The following GPX3 variants were observed in gnomAD, a reference collection of about 807,000 sequenced individuals.
The protein encoded by GPX3 is GPx-3.
Under a neutral mutation model 25.1 loss-of-function variants are expected in GPX3, and 22 were observed. The observed-to-expected ratio is 0.88, with a 90% CI of 0.63 to 1.25. The LOEUF is 1.25. Ranked by LOEUF, GPX3 falls within the 50% of genes most tolerant of loss-of-function variation. GPX3 has a pLI of 0.00. For synonymous variants in GPX3, 110 were observed against 114.5 expected (o/e 0.96, Z 0.25); for missense variants, 278 against 286.6 (o/e 0.97, Z 0.22).
At chr5:151,027,579 C>G in intron 4 of GPX3, 48 bp downstream of exon 4, 1 of 1,243,598 alleles carries the variant, frequency 8.0e-7, no homozygotes, top group South Asian at 1.2e-5. Flanking sequence ...CCCCTCCTGG[C>G]TCCAGCCCAC....
intron 1 of GPX3, 52 bp from the exon 2 acceptor site, chr5:151,025,288 T>C (rs1756530661): frequency 7.0e-7 from 1 of 1,423,382 alleles, no homozygotes; most frequent in East Asian, 2.5e-5. Context: ...AAAACGGAGA[T>C]GTCCAAGTTC....
intron 4 of GPX3, 72 bp downstream of exon 4, chr5:151,027,603 A>C: frequency 1.0e-6 from 1 of 962,158 alleles, no homozygotes; most frequent in South Asian, 1.4e-5. Flanking sequence ...GTCAGGGCCC[A>C]TGCCACCTCC....
rs1277027588 is a variant in GPX3 at position 151,028,027 on chromosome 5, T to C, written c.578T>C (p.Ile193Thr). 3.1e-6 allele frequency: 5 copies of C among 1,614,142 alleles called. No individual in the cohort carries two copies. Among genetic ancestry groups the C allele is most frequent in the South Asian group, 1.1e-5 (1 of 91,080 alleles). ...AAGTTCCTGGTGGGGCCAGATGGTA[T>C]ACCCATCATGCGCTGGCACCACCGG... ...FEKFLVGPDG[I>T]PIMRWHHRTT... Residue 193 changes from isoleucine (I) to threonine (T), a missense_variant, in exon 5 of 5, where the codon ATA (isoleucine) becomes ACA (threonine). Ile to Thr is a moderately conservative substitution (Grantham distance 89). Transcript: ENST00000388825.
chr5:151,028,191 C>G lies in GPX3; in HGVS notation c.*61C>G. On this transcript the variant is annotated 3_prime_UTR_variant, in exon 5 of 5. Transcript: ENST00000388825. ...GGAGGGACTTTGTTCAGGAAGAAAT[C>G]CGTGTCTCCAACCACACTATCTACC... 1 of 1,440,626 alleles carries G rather than the reference C, an allele frequency of 6.9e-7. No homozygotes were observed. Among genetic ancestry groups the G allele is most frequent in the Non-Finnish European group, 9.6e-7 (1 of 1,046,978 alleles). The allele number at this position is 1,440,626 out of a possible 1,614,324, so 89.2% of individuals were successfully genotyped here. A position where few individuals can be genotyped will look rare whatever the true frequency, so the allele number is the denominator to read the frequency against.
At chr5:151,022,641 G>A (rs1350518955) in intron 1 of GPX3, among the ~76,000 whole-genome samples, 1 of 152,200 alleles carries the variant, frequency 6.6e-6, no homozygotes, top group Non-Finnish European at 1.5e-5. Flanking sequence ...TTGAAAGGGA[G>A]ATGCTAGGGA....
chr5:151,026,984 C>G lies in GPX3; in HGVS notation c.326C>G (p.Pro109Arg), dbSNP rs1259746362. The change falls in exon 3 of 5, where the codon CCA becomes CGA. Residue 109 changes from proline to arginine, a missense_variant. Pro to Arg is a moderately radical substitution (Grantham distance 103). Coordinates refer to ENST00000388825, the MANE Select transcript of GPX3 (RefSeq NM_002084.5). ...FPCNQFGKQEPGENSEILPTL... is the reference protein window; with the variant it reads ...FPCNQFGKQERGENSEILPTL... The stretch of plus-strand genomic sequence containing the variant: ...TGCAACCAATTTGGAAAACAGGAAC[C>G]AGGAGAGAACTCAGAGATCCTTCCT... 2 of 1,613,914 alleles carry G rather than the reference C, an allele frequency of 1.2e-6. No homozygotes were observed. The highest frequency in any genetic ancestry group is 1.7e-5 in the Admixed American group (1 of 60,020).
In GPX3 at chr5:151,027,492, C is replaced by T. The variant is rs777786115; in HGVS notation, c.420C>T (p.Val140=). 2 of 1,613,442 alleles carry T rather than the reference C, an allele frequency of 1.2e-6. No homozygotes were observed. Among genetic ancestry groups the T allele is most frequent in the Non-Finnish European group, 1.7e-6 (2 of 1,179,322 alleles). ...PNFQLFEKGD[V]NGEKEQKFYT... is the part of the protein sequence containing the mutation. ...TCCAGCTCTTTGAGAAAGGGGATGT[C>T]AATGGAGAGAAAGAGCAGAAATTCT... The change falls in exon 4 of 5, where the codon GTC becomes GTT. Residue 140 remains valine, a synonymous_variant. Transcript: ENST00000388825.
rs1433960192 is a variant in GPX3, at chr5:151,028,072, A to G, written c.623A>G (p.Lys208Arg). Residue 208 changes from lysine to arginine, a missense_variant, in exon 5 of 5, where the codon AAG becomes AGG. Lys to Arg is a conservative substitution (Grantham distance 26, BLOSUM62 2). Coordinates refer to ENST00000388825, the MANE Select transcript of GPX3 (RefSeq NM_002084.5). ...WHHRTTVSNV[K>R]MDILSYMRRQ... The stretch of plus-strand genomic sequence containing the variant: ...CACCGGACCACGGTCAGCAACGTCA[A>G]GATGGACATCCTGTCCTACATGAGG... 7 of 1,611,656 alleles carry G rather than the reference A, an allele frequency of 4.3e-6. No homozygotes were observed. In the Admixed American group the frequency reaches 1.0e-4, roughly 23 times the overall value.
intron 1 of GPX3, 57 bp from the exon 2 acceptor site, chr5:151,025,283 G>T: frequency 7.2e-7 from 1 of 1,380,286 alleles, no homozygotes; most frequent in Non-Finnish European, 9.7e-7. Flanking sequence ...TTTTGAAAAC[G>T]GAGATGTCCA....
At chr5:151,025,282 C>A (rs1220482068) in intron 1 of GPX3, 58 bp from the exon 2 acceptor site, 8 of 1,379,056 alleles carry the variant, frequency 5.8e-6, no homozygotes, top group Admixed American at 2.6e-5. Context: ...CTTTTGAAAA[C>A]GGAGATGTCC....
chr5:151,021,927 G>GTTAATTAAGTTA (rs1756483516), intron 1 of GPX3: 1 of 152,224 alleles, frequency 6.6e-6, no homozygotes, highest in Non-Finnish European at 1.5e-5. Context: ...ATGAGTCTAG[G>GTTAATTAAGTTA]ATTCCGTTTC....
intron 4 of GPX3, 129 bp downstream of exon 4, chr5:151,027,660 C>G: frequency 5.8e-6 from 4 of 695,322 alleles, no homozygotes; most frequent in East Asian, 2.6e-5. Context: ...GACTATTGTT[C>G]CAACTAGAGG....
chr5:151,026,426 T>A (rs577073501), intron 2 of GPX3: 2 of 154,288 alleles, frequency 1.3e-5, no homozygotes, highest in South Asian at 4.1e-4. Context: ...TGGGTGCTGC[T>A]GCAAAAGAGA....
intron 4 of GPX3, 49 bp from the exon 5 acceptor site, chr5:151,027,860 G>A: frequency 6.8e-7 from 1 of 1,476,450 alleles, no homozygotes; most frequent in South Asian, 1.1e-5. Context: ...GAAGGAAGAG[G>A]GTCAGGGGGC....
chr5:151,025,282 C>T (rs1220482068), intron 1 of GPX3, 58 bp from the exon 2 acceptor site: 32 of 1,379,060 alleles, frequency 2.3e-5, no homozygotes, highest in East Asian at 1.5e-4. Context: ...CTTTTGAAAA[C>T]GGAGATGTCC....
At chr5:151,026,773 G>A (rs532538970) in intron 2 of GPX3, 127 bp from the exon 3 acceptor site, 47 of 682,552 alleles carry the variant, frequency 6.9e-5, no homozygotes, top group South Asian at 4.8e-4. Flanking sequence ...GTGATCCTGC[G>A]CAAGTCCCTC....
rs1435735097 is a variant in GPX3 at position 151,027,462 on chromosome 5, T to C, written c.390T>C (p.Pro130=). 3.7e-6 allele frequency: 6 copies of C among 1,613,882 alleles called. No homozygotes were observed. Among genetic ancestry groups the C allele is most frequent in the Non-Finnish European group, 5.1e-6 (6 of 1,179,696 alleles). ...TCCGACCAGGTGGAGGCTTTGTCCC[T>C]AATTTCCAGCTCTTTGAGAAAGGGG... ...KYVRPGGGFV[P]NFQLFEKGDV... Residue 130 remains proline, a synonymous_variant, in exon 4 of 5, where the codon CCT becomes CCC. Transcript: ENST00000388825.
Position 151,028,568 on chromosome 5 carries a change from G to T in GPX3, c.*438G>T. On this transcript the variant is annotated 3_prime_UTR_variant, in exon 5 of 5. Transcript: ENST00000388825. ...CTCTAACTGATACCTCAACCTTGGG[G>T]CCAGCATCTCCCACTGCCTCCAAAT... 1 of 170,058 alleles carries T rather than the reference G, an allele frequency of 5.9e-6. No homozygotes were observed. 10.5% of individuals were successfully genotyped at this position (170,058 alleles called of 1,614,324 possible).
Position 151,020,706 on chromosome 5 carries a change from T to C in GPX3, c.52T>C (p.Phe18Leu). The C allele has an allele frequency of 6.2e-7, 1 of 1,611,422 alleles. No homozygotes were observed. Among genetic ancestry groups the C allele is most frequent in the Non-Finnish European group, 8.5e-7 (1 of 1,179,194 alleles). The change falls in exon 1 of 5, where the codon TTC becomes CTC. Residue 18 changes from phenylalanine (F) to leucine (L), a missense_variant. Transcript: ENST00000388825. ...SCLLSLLLAG[F>L]VSQSRGQEKS... ...CCTGCTTTCCCTGCTCCTGGCCGGC[T>C]TCGTCTCGCAGAGCCGGGGACAAGA... is the stretch of plus-strand genomic sequence containing the variant.
Sources: allele counts gnomAD v4.1 joint callset (sites outside exome capture counted in the v4.1 genomes callset), GRCh38; gene constraint gnomAD v4.1.1; transcripts MANE v1.5; gene names NCBI Gene and HGNC (gene_info 2026-07-23, HGNC 2026-07-21).